ZFP1: variants seen among roughly 807,000 people sequenced by gnomAD.
ZFP1 encodes zinc finger protein 1 homolog.
In ZFP1, 32 loss-of-function variants were observed where a neutral mutation model predicts 38.5. The observed-to-expected ratio is 0.83, with a 90% CI of 0.63 to 1.12. The LOEUF (loss-of-function observed/expected upper bound fraction) is 1.12, where lower values mean the gene tolerates loss of function less well. Among genes scored for constraint, ZFP1 ranks in the 50% most tolerant of loss-of-function variants. The probability of loss-of-function intolerance (pLI) is 0.00; values close to 1 mark genes in which losing one functional copy is unlikely to be tolerated. For synonymous variants in ZFP1, 245 were observed against 168.8 expected (o/e 1.45, Z -3.50); for missense variants, 616 against 480.8 (o/e 1.28, Z -2.63).
chr16:75,145,046 AC>A (rs2036928264), upstream of ZFP1, among the ~76,000 whole-genome samples: 1 of 152,214 alleles, frequency 6.6e-6, no homozygotes. Flanking sequence ...TGTAGCGTGT[AC>A]CAGAACGTCA....
chr16:75,126,492 C>T, the ZFP1 span, among the ~76,000 whole-genome samples: 1 of 152,200 alleles, frequency 6.6e-6, no homozygotes, highest in African/African-American at 2.4e-5. Flanking sequence ...CAACCTCTGC[C>T]TCCCAGGTTC....
At chr16:75,123,485 A>AGGAAAACAT in the ZFP1 span, among the ~76,000 whole-genome samples, 1 of 126,168 alleles carries the variant, frequency 7.9e-6, no homozygotes, top group African/African-American at 3.1e-5. Flanking sequence ...ATATATATAT[A>AGGAAAACAT]TATATATATA....
chr16:75,135,907 T>C, the ZFP1 span, among the ~76,000 whole-genome samples: 1 of 152,182 alleles, frequency 6.6e-6, no homozygotes, highest in Non-Finnish European at 1.5e-5. Context: ...CTCCACCTCT[T>C]GGGTTTCAGG....
the ZFP1 span, among the ~76,000 whole-genome samples, chr16:75,134,730 A>G: frequency 1.4e-5 from 2 of 144,474 alleles, no homozygotes; most frequent in Non-Finnish European, 3.0e-5. Flanking sequence ...CAGCCTGGGC[A>G]ACACAGCAAG....
intron 3 of ZFP1, 77 bp downstream of exon 3, chr16:75,166,973 T>G: frequency 3.9e-6 from 6 of 1,538,918 alleles, no homozygotes; most frequent in Non-Finnish European, 5.2e-6. Flanking sequence ...AGAAATGAGC[T>G]TCTGAATTAC....
the ZFP1 span, among the ~76,000 whole-genome samples, chr16:75,119,269 C>A: frequency 6.6e-6 from 1 of 152,190 alleles, no homozygotes; most frequent in Non-Finnish European, 1.5e-5. Flanking sequence ...GTGCTTGGTA[C>A]CAGCTTGAGC....
rs756458132 is a variant in ZFP1 at position 75,166,917 on chromosome 16, C to CA, written c.142+22dup. ...AGTGGGTAAGGACGGTTTTCAGGTACAGCTCACCATGTGCCTAGAGGTATT... is the reference window on the plus strand; with the variant it reads ...AGTGGGTAAGGACGGTTTTCAGGTACAAGCTCACCATGTGCCTAGAGGTATT... On this transcript the variant is annotated intron_variant, in intron 3 of 3. Transcript: ENST00000570010. 5.6e-6 allele frequency: 9 copies of CA among 1,610,164 alleles called. No homozygotes were observed. In the African/African-American group the frequency reaches 1.2e-4, roughly 22 times the overall value.
chr16:75,161,021 C>T (rs938610284), intron 2 of ZFP1, among the ~76,000 whole-genome samples: 26 of 152,036 alleles, frequency 1.7e-4, no homozygotes, highest in African/African-American at 5.8e-4. Context: ...GCCCCTAGAT[C>T]CTAGTTGCTT....
chr16:75,170,237 G>C lies in ZFP1; in HGVS notation c.1127G>C (p.Gly376Ala). 6.2e-7 allele frequency: 1 copy of C among 1,614,164 alleles called. No individual in the cohort carries two copies. Among genetic ancestry groups the C allele is most frequent in the East Asian group, 2.2e-5 (1 of 44,884 alleles). ...AGATTACACTTGCGAATCCACACAGGAGAGAAACCATATGAGTGTTCCGAA... is the reference window on the plus strand; with the variant it reads ...AGATTACACTTGCGAATCCACACAGCAGAGAAACCATATGAGTGTTCCGAA... ...TLRLHLRIHT[G>A]EKPYECSECG... is the part of the protein sequence containing the mutation. Residue 376 changes from glycine (G) to alanine (A), a missense_variant, in exon 4 of 4, where the codon GGA becomes GCA. Gly to Ala is a moderately conservative substitution (Grantham distance 60, BLOSUM62 0). Transcript: ENST00000570010.
intron 1 of ZFP1, chr16:75,148,964 G>T (rs1237892540): frequency 6.6e-6 from 1 of 151,768 alleles, no homozygotes; most frequent in African/African-American, 2.4e-5. Context: ...TGGAGCCCCG[G>T]CGGGCGCGCG....
At chr16:75,154,100 T>C (rs1407313862) in intron 2 of ZFP1, among the ~76,000 whole-genome samples, 1 of 152,154 alleles carries the variant, frequency 6.6e-6, no homozygotes, top group Non-Finnish European at 1.5e-5. Flanking sequence ...GGCGGGCGCC[T>C]GTAGTCCCAG....
At chr16:75,165,031 A>C (rs774467482) in intron 2 of ZFP1, among the ~76,000 whole-genome samples, 1 of 151,992 alleles carries the variant, frequency 6.6e-6, no homozygotes, top group Non-Finnish European at 1.5e-5. Context: ...TTTTGAACTC[A>C]TGACCTCAGG....
the ZFP1 span, among the ~76,000 whole-genome samples, chr16:75,127,143 C>T: frequency 1.2e-4 from 18 of 152,300 alleles, no homozygotes; most frequent in South Asian, 6.2e-4. Flanking sequence ...TTGTCATTCA[C>T]GGATAATCGT....
intron 3 of ZFP1, among the ~76,000 whole-genome samples, chr16:75,167,373 A>C (rs554335233): frequency 9.3e-5 from 14 of 151,302 alleles, no homozygotes; most frequent in Admixed American, 2.6e-4. Flanking sequence ...CATACCTCCA[A>C]ATATCCGTCT....
At chr16:75,131,840 C>G in the ZFP1 span, among the ~76,000 whole-genome samples, 1 of 151,978 alleles carries the variant, frequency 6.6e-6, no homozygotes, top group Admixed American at 6.6e-5. Context: ...GGGCAGACAC[C>G]TGTAATCTCA....
In ZFP1 at chr16:75,170,493, T is replaced by G; in HGVS notation, c.*159T>G. On this transcript the variant is annotated 3_prime_UTR_variant, in exon 4 of 4. Transcript: ENST00000570010. ...ATAGGATCCCATGAGAACATTATAC[T>G]GGAAGTTACATGTGATACCCAGCTA... 1 of 1,108,326 alleles carries G rather than the reference T, an allele frequency of 9.0e-7. No individual in the cohort carries two copies. Among genetic ancestry groups the G allele is most frequent in the South Asian group, 2.6e-5 (1 of 37,886 alleles). 68.7% of individuals were successfully genotyped at this position (1,108,326 alleles called of 1,614,324 possible).
At chr16:75,124,754 T>A in the ZFP1 span, among the ~76,000 whole-genome samples, 6 of 125,852 alleles carry the variant, frequency 4.8e-5, no homozygotes, top group African/African-American at 3.1e-5. Context: ...GCCACTGCAC[T>A]CCAGCCTGGG....
the ZFP1 span, among the ~76,000 whole-genome samples, chr16:75,123,644 A>G: frequency 1.3e-5 from 2 of 150,592 alleles, no homozygotes; most frequent in African/African-American, 4.9e-5. Flanking sequence ...TGTCTGGCTA[A>G]TTTTTTGTAT....
At chr16:75,161,776 T>TATATATATATATATATA (rs1225483116) in intron 2 of ZFP1, among the ~76,000 whole-genome samples, 1 of 4,474 alleles carries the variant, frequency 2.2e-4, no homozygotes, top group East Asian at 7.4e-3. Context: ...ATATATATAT[T>TATATATATATATATATA]TTTTTTTTTT....
Sources: allele counts gnomAD v4.1 joint callset (sites outside exome capture counted in the v4.1 genomes callset), GRCh38; gene constraint gnomAD v4.1.1; transcripts MANE v1.5; gene names NCBI Gene and HGNC (gene_info 2026-07-23, HGNC 2026-07-21).